ADGB: variants seen among roughly 807,000 people sequenced by gnomAD.
The protein encoded by ADGB is androglobin.
ADGB carries 172 observed loss-of-function variants against 210.5 expected under a neutral mutation model. The observed-to-expected ratio is 0.82, with a 90% CI of 0.72 to 0.93. The LOEUF is 0.93. Among genes scored for constraint, ADGB ranks in the 40% least tolerant of loss-of-function variants. The pLI, the probability that ADGB is intolerant of heterozygous loss-of-function variation, is 0.00. For missense variants in ADGB, 2,025 were observed against 1,964.8 expected, an observed-to-expected ratio of 1.03 and a Z score of -0.58; for synonymous variants, 658 against 662.7, an observed-to-expected ratio of 0.99 and a Z score of 0.11.
At chr6:146,648,787 T>A (rs892723815) in intron 3 of ADGB, among the ~76,000 whole-genome samples, 2 of 151,806 alleles carry the variant, frequency 1.3e-5, no homozygotes, top group African/African-American at 4.8e-5. Flanking sequence ...TTATATAAAA[T>A]TATTTTTAAA....
At chr6:146,626,985 T>C (rs765825209) in intron 1 of ADGB, among the ~76,000 whole-genome samples, 11 of 152,112 alleles carry the variant, frequency 7.2e-5, no homozygotes, top group Non-Finnish European at 1.6e-4. Flanking sequence ...CTAAAATTCA[T>C]TAATCACCTA....
At chr6:146,638,392 G>C (rs1427968230) in intron 2 of ADGB, among the ~76,000 whole-genome samples, 1 of 151,768 alleles carries the variant, frequency 6.6e-6, no homozygotes, top group Non-Finnish European at 1.5e-5. Flanking sequence ...AAGAAAATGT[G>C]GCACATATAC....
intron 29 of ADGB, among the ~76,000 whole-genome samples, chr6:146,779,085 A>G (rs1172625637): frequency 1.3e-5 from 2 of 151,716 alleles, no homozygotes; most frequent in Non-Finnish European, 2.9e-5. Flanking sequence ...AAAACAGCCA[A>G]TATTCCTGGC....
chr6:146,747,235 C>T (rs1777253047), intron 26 of ADGB, among the ~76,000 whole-genome samples: 1 of 152,168 alleles, frequency 6.6e-6, no homozygotes, highest in African/African-American at 2.4e-5. Flanking sequence ...TTTTAATATA[C>T]ACTTCTCTGC....
At chr6:146,698,177 T>C (rs1224985304) in intron 12 of ADGB, among the ~76,000 whole-genome samples, 1 of 152,224 alleles carries the variant, frequency 6.6e-6, no homozygotes, top group East Asian at 1.9e-4. Flanking sequence ...AATGGTGATA[T>C]GACTGTGTTT....
intron 35 of ADGB, chr6:146,807,693 G>T (rs538349326): frequency 3.2e-5 from 29 of 907,562 alleles, no homozygotes; most frequent in East Asian, 2.6e-4. Flanking sequence ...AATAGAAATT[G>T]TTCTTTCTTA....
intron 4 of ADGB, 85 bp downstream of exon 4, chr6:146,654,291 T>C (rs907041667): frequency 3.4e-5 from 27 of 784,702 alleles, no homozygotes; most frequent in Non-Finnish European, 4.9e-5. Flanking sequence ...CGATTTCAAC[T>C]CTCCCTTGCT....
chr6:146,664,378 G>A (rs1775909471), intron 6 of ADGB, 38 bp downstream of exon 6: 2 of 1,505,988 alleles, frequency 1.3e-6, no homozygotes, highest in South Asian at 1.3e-5. Flanking sequence ...AATAAAAAAA[G>A]CAAACAAAAA....
intron 1 of ADGB, among the ~76,000 whole-genome samples, chr6:146,624,396 A>G (rs925392733): frequency 4.0e-5 from 6 of 151,740 alleles, no homozygotes; most frequent in African/African-American, 1.5e-4. Context: ...TATCCCTTTG[A>G]TATCTGTGGG....
Position 146,644,862 on chromosome 6 carries a change from T to G in ADGB, c.327T>G (p.Ser109Arg). The stretch of plus-strand genomic sequence containing the variant: ...AACGTCCACAAGATATTTTATTTAG[T>G]CAGGTAAGAAAGTTTTTTCTATTAA... The part of the protein sequence containing the change: ...SWKRPQDILF[S>R]QTPVVVKNEI... Residue 109 changes from serine to arginine, a missense_variant, in exon 3 of 36, where the codon AGT becomes AGG. Coordinates refer to ENST00000397944, the MANE Select transcript of ADGB (RefSeq NM_024694.4). 5 of 1,472,426 alleles carry G rather than the reference T, an allele frequency of 3.4e-6. No homozygotes were observed. Among genetic ancestry groups the G allele is most frequent in the Non-Finnish European group, 4.5e-6 (5 of 1,109,198 alleles). The allele number at this position is 1,472,426 out of a possible 1,614,324, so 91.2% of individuals were successfully genotyped here. A position where few individuals can be genotyped will look rare whatever the true frequency, so the allele number is the denominator to read the frequency against.
intron 3 of ADGB, among the ~76,000 whole-genome samples, chr6:146,649,450 A>G (rs1428440230): frequency 1.3e-5 from 2 of 151,904 alleles, no homozygotes; most frequent in African/African-American, 4.8e-5. Context: ...ACAAAAATGT[A>G]TACTGATGAT....
intron 11 of ADGB, 93 bp downstream of exon 11, chr6:146,691,383 C>T: frequency 1.3e-6 from 1 of 767,906 alleles, no homozygotes; most frequent in Non-Finnish European, 1.7e-6. Flanking sequence ...AGGTAAATCA[C>T]CCAACATTGC....
At chr6:146,809,542 A>G (rs1203568272) in intron 35 of ADGB, among the ~76,000 whole-genome samples, 1 of 152,094 alleles carries the variant, frequency 6.6e-6, no homozygotes, top group African/African-American at 2.4e-5. Context: ...GGGTTTCACC[A>G]TGTTTCCCAG....
At chr6:146,701,746 CT>C (rs1776493576) in intron 13 of ADGB, among the ~76,000 whole-genome samples, 1 of 151,930 alleles carries the variant, frequency 6.6e-6, no homozygotes, top group African/African-American at 2.4e-5. Flanking sequence ...ATAATTAGCA[CT>C]GTGAGAGAAC....
chr6:146,645,133 A>G (rs1250725536), intron 3 of ADGB, among the ~76,000 whole-genome samples: 1 of 151,990 alleles, frequency 6.6e-6, no homozygotes. Context: ...ATAACTTAAA[A>G]TGTTGTATGA....
chr6:146,721,657 G>A (rs1285117439), intron 17 of ADGB, among the ~76,000 whole-genome samples, 152 bp downstream of exon 17: 1 of 139,572 alleles, frequency 7.2e-6, no homozygotes, highest in Admixed American at 7.2e-5. Flanking sequence ...GACCAACATG[G>A]TGAAACCTTG....
At chr6:146,637,284 G>T (rs187448027) in intron 2 of ADGB, among the ~76,000 whole-genome samples, 1 of 152,072 alleles carries the variant, frequency 6.6e-6, no homozygotes. Context: ...TCAGTTTCTT[G>T]AGCTGGAGAG....
rs10499241 is a variant in ADGB, at chr6:146,682,447, A to T, written c.1217-3287A>T. On this transcript the variant is annotated intron_variant, in intron 9 of 35. Coordinates refer to ENST00000397944, the MANE Select transcript of ADGB (RefSeq NM_024694.4). Reference sequence around the variant, plus strand: ...ATTACTGTACAAAATATTTTAAGGCAGTTTTAGAGACTAGGATGTTAAATT... The same window carrying T: ...ATTACTGTACAAAATATTTTAAGGCTGTTTTAGAGACTAGGATGTTAAATT... Among the ~76,000 whole-genome samples the T allele has an allele frequency of 5.9e-3, 895 of 152,204 alleles. 7 individuals carry two copies. The highest frequency in any genetic ancestry group is 0.021 in the African/African-American group (867 of 41,508).
chr6:146,609,367 T>G (rs1422654102), intron 1 of ADGB, among the ~76,000 whole-genome samples: 1 of 152,200 alleles, frequency 6.6e-6, no homozygotes, highest in African/African-American at 2.4e-5. Flanking sequence ...GTTTAGCCCA[T>G]ATACATTCAG....
Sources: gnomAD v4.1 joint callset for allele counts (sites outside exome capture counted in the v4.1 genomes callset) on GRCh38, gnomAD v4.1.1 for gene constraint, MANE v1.5 for transcripts, NCBI Gene and HGNC (gene_info 2026-07-23, HGNC 2026-07-21) for gene names.